SLC26A7: variants seen among roughly 807,000 people sequenced by gnomAD.
The protein encoded by SLC26A7 is solute carrier family 26 member 7, also known as anion exchange transporter.
SLC26A7 carries 59 observed loss-of-function variants against 82.5 expected under a neutral mutation model. The ratio of observed to expected loss-of-function variants is 0.72; its 90% CI spans 0.58 to 0.89. SLC26A7 has a LOEUF of 0.89. SLC26A7 is among the 40% of genes least tolerant of loss of function. The pLI is 0.00. For synonymous variants in SLC26A7, 271 were observed against 274.3 expected (o/e 0.99, Z 0.12); for missense variants, 820 against 793.0 (o/e 1.03, Z -0.41).
At chr8:91,394,143 A>G in intron 18 of SLC26A7, 104 bp downstream of exon 18, 1 of 1,594,292 alleles carries the variant, frequency 6.3e-7, no homozygotes, top group Non-Finnish European at 8.6e-7. Context: ...GGCATCTAAA[A>G]TCTGTTAGCC....
At chr8:91,252,383 C>T (rs1024535180) in intron 2 of SLC26A7, among the ~76,000 whole-genome samples, 7 of 151,902 alleles carry the variant, frequency 4.6e-5, no homozygotes, top group Non-Finnish European at 8.8e-5. Flanking sequence ...TAAATCTTTA[C>T]TTTATTAAAG....
chr8:91,218,915 A>C lies in SLC26A7; in HGVS notation c.-124A>C, dbSNP rs757166739. On this transcript the variant is annotated 5_prime_UTR_variant, in exon 2 of 6. Coordinates refer to the SLC26A7 transcript ENST00000522862. ...GACTGGAAGATAAGCAAGAATCTGA[A>C]GCTGGTGCCTCTCCAAGTATTAATT... is the stretch of plus-strand genomic sequence containing the variant. 5.2e-6 allele frequency: 8 copies of C among 1,550,130 alleles called. 1 individual carries two copies.
chr8:91,390,360 A>G (rs1230161438), intron 16 of SLC26A7, among the ~76,000 whole-genome samples: 1 of 151,722 alleles, frequency 6.6e-6, no homozygotes, highest in South Asian at 2.1e-4. Context: ...CTCGTGATCT[A>G]CCCGCCTTGG....
intron 2 of SLC26A7, among the ~76,000 whole-genome samples, chr8:91,234,825 C>CTTCTTCCT (rs1267737133): frequency 1.2e-5 from 1 of 86,474 alleles, no homozygotes; most frequent in Non-Finnish European, 2.4e-5. Context: ...ACCTACCTAC[C>CTTCTTCCT]TACTTCCTTC....
chr8:91,219,254 G>A (rs1021622297), intron 2 of SLC26A7: 3 of 287,816 alleles, frequency 1.0e-5, no homozygotes, highest in Non-Finnish European at 1.9e-5. Context: ...TGTGTGGCAA[G>A]TGAGTTATTT....
At chr8:91,344,699 A>G (rs925956495) in intron 9 of SLC26A7, among the ~76,000 whole-genome samples, 3 of 152,234 alleles carry the variant, frequency 2.0e-5, no homozygotes, top group Non-Finnish European at 4.4e-5. Context: ...TCATCAGCTA[A>G]GAAGTAAAAT....
intron 15 of SLC26A7, among the ~76,000 whole-genome samples, chr8:91,380,635 A>C (rs188446640): frequency 1.3e-5 from 2 of 152,304 alleles, no homozygotes; most frequent in Admixed American, 1.3e-4. Flanking sequence ...TTATGATGTC[A>C]TGTTGACATT....
intron 8 of SLC26A7, among the ~76,000 whole-genome samples, chr8:91,340,889 T>C (rs889269418): frequency 6.6e-6 from 1 of 151,970 alleles, no homozygotes; most frequent in African/African-American, 2.4e-5. Flanking sequence ...TTACTCTTAG[T>C]AAAAAAACTA....
intron 9 of SLC26A7, among the ~76,000 whole-genome samples, chr8:91,345,041 G>A (rs1236705430): frequency 1.3e-5 from 2 of 150,672 alleles, no homozygotes; most frequent in Non-Finnish European, 2.9e-5. Context: ...CTTGTGGTCT[G>A]AAGTATCCTT....
At chr8:91,333,374 G>T (rs1813147989) in intron 5 of SLC26A7, among the ~76,000 whole-genome samples, 1 of 152,050 alleles carries the variant, frequency 6.6e-6, no homozygotes, top group Non-Finnish European at 1.5e-5. Context: ...ATAACTTCAA[G>T]CAGGGCTGCA....
At chr8:91,336,587 G>A (rs1439237206) in intron 6 of SLC26A7, among the ~76,000 whole-genome samples, 2 of 151,974 alleles carry the variant, frequency 1.3e-5, no homozygotes, top group African/African-American at 4.8e-5. Flanking sequence ...AAAGGTTGGG[G>A]ACTGCTGCTC....
intron 15 of SLC26A7, among the ~76,000 whole-genome samples, chr8:91,379,541 A>T (rs570181179): frequency 1.3e-5 from 2 of 152,024 alleles, no homozygotes; most frequent in African/African-American, 4.8e-5. Context: ...TATGACAAAA[A>T]TGGCACTATA....
At chr8:91,278,757 A>G (rs1811474672) in intron 2 of SLC26A7, among the ~76,000 whole-genome samples, 1 of 152,164 alleles carries the variant, frequency 6.6e-6, no homozygotes, top group Non-Finnish European at 1.5e-5. Flanking sequence ...TGTTGTAAGA[A>G]CACTTAAAAT....
chr8:91,281,341 T>C (rs370840305), intron 2 of SLC26A7, among the ~76,000 whole-genome samples: 1 of 152,190 alleles, frequency 6.6e-6, no homozygotes, highest in Admixed American at 6.5e-5. Context: ...AAGAGCTGTA[T>C]AATATTCCAT....
intron 8 of SLC26A7, 127 bp downstream of exon 8, chr8:91,340,678 A>G: frequency 1.0e-6 from 1 of 963,154 alleles, no homozygotes; most frequent in Non-Finnish European, 1.5e-6. Context: ...TGGGTTGAAC[A>G]AAAAAAAAGA....
At chr8:91,394,918 T>C in intron 18 of SLC26A7, 144 bp from the exon 19 acceptor site, 2 of 934,012 alleles carry the variant, frequency 2.1e-6, no homozygotes, top group Non-Finnish European at 3.2e-6. Flanking sequence ...AGCTTTGAAC[T>C]GCTCTACTCT....
chr8:91,308,175 G>A, intron 4 of SLC26A7, among the ~76,000 whole-genome samples: 1 of 151,876 alleles, frequency 6.6e-6, no homozygotes, highest in East Asian at 1.9e-4. Context: ...TCTACAGAAT[G>A]CCCCTCAATC....
At chr8:91,379,879 A>G (rs1814620668) in intron 15 of SLC26A7, among the ~76,000 whole-genome samples, 1 of 152,104 alleles carries the variant, frequency 6.6e-6, no homozygotes, top group African/African-American at 2.4e-5. Flanking sequence ...GAGTGGAAGA[A>G]GATAGATGTA....
intron 15 of SLC26A7, among the ~76,000 whole-genome samples, chr8:91,381,463 C>T (rs1313508044): frequency 6.6e-6 from 1 of 152,100 alleles, no homozygotes; most frequent in Non-Finnish European, 1.5e-5. Context: ...TTTTACCTGC[C>T]TTGTGCTCTC....
Sources: allele counts gnomAD v4.1 joint callset (sites outside exome capture counted in the v4.1 genomes callset), GRCh38; gene constraint gnomAD v4.1.1; transcripts MANE v1.5; gene names NCBI Gene and HGNC (gene_info 2026-07-23, HGNC 2026-07-21).